AKAP9: variants seen among roughly 807,000 people sequenced by gnomAD.
AKAP9 encodes the protein A-kinase anchor protein 9.
AKAP9 carries 311 observed loss-of-function variants against 488.5 expected under a neutral mutation model. The ratio of observed to expected loss-of-function variants is 0.64; its 90% CI spans 0.58 to 0.70. The LOEUF (loss-of-function observed/expected upper bound fraction) is 0.70, where lower values mean the gene tolerates loss of function less well. Ranked by LOEUF, AKAP9 falls within the 30% of genes least tolerant of loss-of-function variation. AKAP9 has a pLI of 0.00. For missense variants in AKAP9, 4,215 were observed against 4,374.5 expected, an observed-to-expected ratio of 0.96 and a Z score of 1.03; for synonymous variants, 1,462 against 1,483.5, an observed-to-expected ratio of 0.99 and a Z score of 0.33.
At chr7:92,023,166 A>G (rs913579314) in intron 14 of AKAP9, among the ~76,000 whole-genome samples, 157 bp downstream of exon 14, 2 of 152,252 alleles carry the variant, frequency 1.3e-5, no homozygotes, top group South Asian at 2.1e-4. Flanking sequence ...AGATCATTCT[A>G]TATCTTTGAA....
At chr7:92,016,973 T>C in intron 11 of AKAP9, 44 bp from the exon 12 acceptor site, 1 of 1,376,562 alleles carries the variant, frequency 7.3e-7, no homozygotes, top group Non-Finnish European at 1.0e-6. Context: ...ATGCAGACTT[T>C]TACTGTGAAG....
chr7:92,063,846 T>C (rs946838471), intron 24 of AKAP9, among the ~76,000 whole-genome samples: 4 of 152,148 alleles, frequency 2.6e-5, no homozygotes, highest in African/African-American at 7.2e-5. Flanking sequence ...AGTGGTCTGA[T>C]CTCGGCTCAC....
Position 92,012,281 on chromosome 7 carries a change from A to G in AKAP9, c.3319-148A>G, listed in dbSNP as rs962947061. 8 of 666,840 alleles carry G rather than the reference A, an allele frequency of 1.2e-5. 1 individual carries two copies. In the Admixed American group the frequency reaches 1.8e-4, roughly 15 times the overall value. The allele number at this position is 666,840 out of a possible 1,614,324, so 41.3% of individuals were successfully genotyped here. On this transcript the variant is annotated intron_variant, in intron 8 of 49. Transcript: ENST00000356239. ...TTCCTTGAAAAAGAAAGGTAGATCA[A>G]TGCAACAGCACGAAGATAGAAAAAA... is the stretch of plus-strand genomic sequence containing the variant.
At chr7:92,003,302 A>G (rs1234707633) in intron 8 of AKAP9, 67 bp downstream of exon 8, 2 of 1,220,976 alleles carry the variant, frequency 1.6e-6, no homozygotes, top group Non-Finnish European at 2.4e-6. Flanking sequence ...CTAAGGTTTC[A>G]CCTTCATAGA....
chr7:91,982,579 T>A (rs1249240872), intron 3 of AKAP9, among the ~76,000 whole-genome samples: 1 of 152,218 alleles, frequency 6.6e-6, no homozygotes, highest in East Asian at 1.9e-4. Flanking sequence ...ATTTTCTTTA[T>A]CCAGTCTATC....
chr7:92,027,619 CCGCCCCG>C (rs1563008284), intron 14 of AKAP9, among the ~76,000 whole-genome samples: 4 of 129,154 alleles, frequency 3.1e-5, no homozygotes, highest in East Asian at 2.1e-4. Flanking sequence ...CTCTGCCTGG[CCGCCCCG>C]TCTGGGATGT....
At chr7:92,091,429 T>G (rs557738300) in intron 38 of AKAP9, among the ~76,000 whole-genome samples, 35 of 151,560 alleles carry the variant, frequency 2.3e-4, no homozygotes, top group African/African-American at 7.7e-4. Context: ...CTACTAAAAA[T>G]ACAAAAATTA....
At chr7:92,030,638 G>A (rs1464395152) in intron 15 of AKAP9, among the ~76,000 whole-genome samples, 7 of 102,196 alleles carry the variant, frequency 6.8e-5, no homozygotes, top group Non-Finnish European at 1.2e-4. Context: ...CAAGACTGTC[G>A]CCAAAAAAAA....
Position 92,061,279 on chromosome 7 carries a change from CACAG to C in AKAP9, c.5627_5630del (p.Thr1876SerfsTer2), listed in dbSNP as rs755378911. The C allele has an allele frequency of 3.7e-6, 6 of 1,612,392 alleles. No homozygotes were observed. The Admixed American group carries it at 5.0e-5, about 13-fold the overall frequency. On this transcript the variant is annotated frameshift_variant, in exon 23 of 50. Coordinates refer to ENST00000356239, the MANE Select transcript of AKAP9 (RefSeq NM_005751.5). LOFTEE classifies it high-confidence loss of function. ...GTTTAGCTTGAACATGCGAAAGTGACACAGACAGAGTTGATGCGTGAGTCATTTA... is the reference window on the plus strand; with the variant it reads ...GTTTAGCTTGAACATGCGAAAGTGACACAGAGTTGATGCGTGAGTCATTTA...
chr7:92,044,117 T>C (rs1275089152), intron 20 of AKAP9, among the ~76,000 whole-genome samples: 1 of 152,226 alleles, frequency 6.6e-6, no homozygotes, highest in East Asian at 1.9e-4. Flanking sequence ...TTTTTGTTTT[T>C]AAAATACGTA....
chr7:91,992,833 C>T, intron 4 of AKAP9, 52 bp from the exon 5 acceptor site: 3 of 1,533,354 alleles, frequency 2.0e-6, no homozygotes. Context: ...GAATCTCTCT[C>T]CCTAAGGAAT....
rs747994823 is a variant in AKAP9, at chr7:92,076,968, C to G, written c.6726C>G (p.Thr2242=). The change falls in exon 29 of 50, where the codon ACC becomes ACG. Residue 2242 remains threonine (T), a synonymous_variant. Coordinates refer to ENST00000356239, the MANE Select transcript of AKAP9 (RefSeq NM_005751.5). The part of the protein sequence containing the change: ...QLEIQKKEST[T]RLQELEQENK... ...AAATACAGAAAAAGGAATCTACTAC[C>G]CGCCTACAAGAACTTGAACAGGAAA... 3 of 1,579,656 alleles carry G rather than the reference C, an allele frequency of 1.9e-6. No individual in the cohort carries two copies. The South Asian group carries it at 3.5e-5, about 18-fold the overall frequency.
rs1791253505 is a variant in AKAP9, at chr7:91,944,905, T to G, written c.48+3758T>G. The stretch of plus-strand genomic sequence containing the variant: ...GACATTTTATAGATTTCCTTTCTGT[T>G]TTTGTTGTGCTTATTCTTTCCTTGC... On this transcript the variant is annotated intron_variant, in intron 1 of 49. Coordinates refer to ENST00000356239, the MANE Select transcript of AKAP9 (RefSeq NM_005751.5). 2.0e-5 allele frequency among the ~76,000 whole-genome samples: 3 copies of G among 152,232 alleles called. No homozygotes were observed. In the South Asian group the frequency reaches 6.2e-4, roughly 31 times the overall value.
chr7:91,972,551 C>T (rs1221738821), intron 1 of AKAP9, among the ~76,000 whole-genome samples: 1 of 152,198 alleles, frequency 6.6e-6, no homozygotes, highest in Admixed American at 6.5e-5. Context: ...TTTTTCACTT[C>T]TCCATGGTCT....
At chr7:92,030,502 C>T (rs542183458) in intron 15 of AKAP9, among the ~76,000 whole-genome samples, 4 of 152,042 alleles carry the variant, frequency 2.6e-5, no homozygotes, top group African/African-American at 7.2e-5. Flanking sequence ...ATTAGCTGAG[C>T]GTGGTGGCAC....
chr7:92,081,376 T>G (rs1813523798), intron 31 of AKAP9, among the ~76,000 whole-genome samples: 1 of 150,768 alleles, frequency 6.6e-6, no homozygotes, highest in African/African-American at 2.4e-5. Context: ...TGATCTCAGC[T>G]CACTGCAGCC....
chr7:91,992,752 G>C, intron 4 of AKAP9, 133 bp from the exon 5 acceptor site: 1 of 775,710 alleles, frequency 1.3e-6, no homozygotes, highest in Non-Finnish European at 2.2e-6. Context: ...AACGAAGTAG[G>C]TTGCCATACC....
Position 92,042,195 on chromosome 7 carries a change from G to T in AKAP9, c.5058+9G>T. 1 of 1,613,652 alleles carries T rather than the reference G, an allele frequency of 6.2e-7. No individual in the cohort carries two copies. The highest frequency in any genetic ancestry group is 1.1e-5 in the South Asian group (1 of 91,062). On this transcript the variant is annotated intron_variant, in intron 19 of 49. Coordinates refer to ENST00000356239, the MANE Select transcript of AKAP9 (RefSeq NM_005751.5). ...GCAGTACGCAAACACAGGTAGTATGGACTTTGCCCCACCTAGGAGCAATGG... is the reference window on the plus strand; with the variant it reads ...GCAGTACGCAAACACAGGTAGTATGTACTTTGCCCCACCTAGGAGCAATGG...
chr7:91,982,335 T>C (rs1394596985), intron 3 of AKAP9, among the ~76,000 whole-genome samples: 1 of 151,616 alleles, frequency 6.6e-6, no homozygotes, highest in East Asian at 1.9e-4. Flanking sequence ...ATGCTATCCC[T>C]CCCCCAGCGC....
Sources: gnomAD v4.1 joint callset for allele counts (sites outside exome capture counted in the v4.1 genomes callset) on GRCh38, gnomAD v4.1.1 for gene constraint, MANE v1.5 for transcripts, NCBI Gene and HGNC (gene_info 2026-07-23, HGNC 2026-07-21) for gene names.